Variants in MYLK3 observed in about 807,000 individuals in gnomAD.
MYLK3 encodes the protein myosin light chain kinase 3, also known as MLC kinase.
MYLK3 carries 55 observed loss-of-function variants against 76.3 expected under a neutral mutation model. That is an observed-to-expected ratio of 0.72 (90% CI 0.58 to 0.90). MYLK3 has a LOEUF of 0.90. Ranked by LOEUF, MYLK3 falls within the 40% of genes least tolerant of loss-of-function variation. The probability of loss-of-function intolerance (pLI) is 0.00; values close to 1 mark genes in which losing one functional copy is unlikely to be tolerated. For synonymous variants in MYLK3, 416 were observed against 425.4 expected (o/e 0.98, Z 0.27); for missense variants, 973 against 1,053.6 (o/e 0.92, Z 1.06).
chr16:46,742,111 C>G (rs1241361828), intron 1 of MYLK3, among the ~76,000 whole-genome samples: 3 of 151,806 alleles, frequency 2.0e-5, no homozygotes, highest in Non-Finnish European at 4.4e-5. Flanking sequence ...TGGATGGAAA[C>G]ATTTGTGGAG....
chr16:46,747,689 C>A (rs1967052215), intron 1 of MYLK3, 28 bp downstream of exon 1: 1 of 1,593,434 alleles, frequency 6.3e-7, no homozygotes, highest in East Asian at 2.2e-5. Flanking sequence ...GCCTCCCATC[C>A]AGCCAGGGCA....
chr16:46,736,717 C>G (rs988782135), intron 3 of MYLK3, among the ~76,000 whole-genome samples: 1 of 152,178 alleles, frequency 6.6e-6, no homozygotes, highest in African/African-American at 2.4e-5. Flanking sequence ...AACACAGACA[C>G]CAGATCCACT....
intron 3 of MYLK3, among the ~76,000 whole-genome samples, chr16:46,735,778 G>T (rs1216372248): frequency 6.6e-6 from 1 of 152,216 alleles, no homozygotes; most frequent in African/African-American, 2.4e-5. Context: ...ACAGGAAACT[G>T]CTGCCAGTCA....
chr16:46,753,551 A>T (rs1410204484), intron 1 of MYLK3, among the ~76,000 whole-genome samples: 2 of 152,270 alleles, frequency 1.3e-5, no homozygotes, highest in Non-Finnish European at 2.9e-5. Flanking sequence ...AGGGAAGACT[A>T]AAGCAAATAA....
Position 46,732,605 on chromosome 16 carries a change from G to C in MYLK3, c.1065C>G (p.Ser355Arg). 2 of 1,581,144 alleles carry C rather than the reference G, an allele frequency of 1.3e-6. No individual in the cohort carries two copies. Among genetic ancestry groups the C allele is most frequent in the Non-Finnish European group, 1.7e-6 (2 of 1,170,140 alleles). ...PGEMLMTGRG[S>R]LGPTLTTEAP... Reference sequence around the variant, plus strand: ...CCTCTGTGGTGAGGGTGGGTCCAAGGCTGCCCCTGCCTGTCATCAGCATCT... The same window carrying C: ...CCTCTGTGGTGAGGGTGGGTCCAAGCCTGCCCCTGCCTGTCATCAGCATCT... Residue 355 changes from serine (S) to arginine (R), a missense_variant, in exon 4 of 13, where the codon AGC (serine) becomes AGG (arginine). Ser to Arg is a moderately radical substitution (Grantham distance 110, BLOSUM62 -1). Around this residue, in one of 2 missense-constraint regions of MYLK3, gnomAD observed 641 missense variants for 637.0 expected, o/e 1.01. Coordinates refer to ENST00000394809, the MANE Select transcript of MYLK3 (RefSeq NM_182493.3).
rs1388881621 is a variant in MYLK3 at position 46,737,750 on chromosome 16, T to G, written c.962A>C (p.Gln321Pro). ...TCCACCACTGTGGGTTGCCCTGGCC[T>G]GGGCTGGCAGCCCTGGAGGCCCTGG... is the stretch of plus-strand genomic sequence containing the variant. ...QCPGPPGLPA[Q>P]ARATHSGGET... Residue 321 changes from glutamine to proline, a missense_variant, in exon 3 of 13, where the codon CAG becomes CCG. By Grantham distance (76) the Gln-to-Pro change is moderately conservative. Coordinates refer to ENST00000394809, the MANE Select transcript of MYLK3 (RefSeq NM_182493.3). 1 of 1,609,894 alleles carries G rather than the reference T, an allele frequency of 6.2e-7. No homozygotes were observed. Among genetic ancestry groups the G allele is most frequent in the Admixed American group, 1.7e-5 (1 of 60,006 alleles).
Position 46,748,286 on chromosome 16 carries a change from G to T in MYLK3, c.-93C>A. ...AGGCGGTGGTGTCTGCAAGGTCATT[G>T]TCCTCCGTAGCTGACAGACTCCTGG... On this transcript the variant is annotated 5_prime_UTR_variant, in exon 1 of 13. Transcript: ENST00000394809. The surrounding 1 kb of genome is among the most constrained non-coding windows in gnomAD (Gnocchi z 4.3). The T allele has an allele frequency of 6.8e-7, 1 of 1,475,034 alleles. No homozygotes were observed. The highest frequency in any genetic ancestry group is 1.4e-5 in the South Asian group (1 of 72,416). 91.4% of individuals were successfully genotyped at this position (1,475,034 alleles called of 1,614,324 possible).
chr16:46,752,957 C>G (rs1336799750), upstream of MYLK3, among the ~76,000 whole-genome samples: 1 of 152,188 alleles, frequency 6.6e-6, no homozygotes, highest in Non-Finnish European at 1.5e-5. Flanking sequence ...TCTCTCCTTC[C>G]CCTCCAGAGA....
chr16:46,713,011 G>A (rs1462045111), intron 9 of MYLK3, among the ~76,000 whole-genome samples: 1 of 152,064 alleles, frequency 6.6e-6, no homozygotes, highest in Non-Finnish European at 1.5e-5. Flanking sequence ...CCTCCTCCAG[G>A]CATTTGCTTC....
intron 1 of MYLK3, among the ~76,000 whole-genome samples, chr16:46,746,110 A>G (rs978323596): frequency 1.3e-5 from 2 of 152,062 alleles, no homozygotes; most frequent in Non-Finnish European, 2.9e-5. Flanking sequence ...AGCAAAATCT[A>G]TGGCTGCTCA....
At chr16:46,757,451 G>A (rs755287913) in intron 1 of MYLK3, 257 of 985,328 alleles carry the variant, frequency 2.6e-4, no homozygotes, top group Non-Finnish European at 3.0e-4. Context: ...CCCGACGCCC[G>A]CTGCTGGCCT....
chr16:46,731,274 G>A (rs1162156922), intron 4 of MYLK3, among the ~76,000 whole-genome samples: 3 of 152,238 alleles, frequency 2.0e-5, no homozygotes, highest in East Asian at 1.9e-4. Flanking sequence ...GGGATCTGTC[G>A]GCAAGGGAAA....
chr16:46,710,976 G>A (rs951996477), intron 10 of MYLK3, 187 bp from the exon 11 acceptor site: 1 of 657,454 alleles, frequency 1.5e-6, no homozygotes, highest in South Asian at 1.9e-5. Flanking sequence ...GAAGCGGAAG[G>A]ATTTAAAATT....
chr16:46,755,491 T>A (rs1567294090), intron 1 of MYLK3, among the ~76,000 whole-genome samples: 1 of 150,222 alleles, frequency 6.7e-6, no homozygotes, highest in Non-Finnish European at 1.5e-5. Flanking sequence ...AAACAATAGC[T>A]TCAACCTAGG....
chr16:46,707,512 A>G lies in MYLK3; in HGVS notation c.*192T>C, dbSNP rs1403800001. On this transcript the variant is annotated 3_prime_UTR_variant, in exon 13 of 13. Coordinates refer to ENST00000394809, the MANE Select transcript of MYLK3 (RefSeq NM_182493.3). ...ACACGTAGTGATCTTACAAGGCAGA[A>G]AAAAACGTTCTTAGGAAGCTTCTTT... 8 of 545,606 alleles carry G rather than the reference A, an allele frequency of 1.5e-5. No individual in the cohort carries two copies. The highest frequency in any genetic ancestry group is 2.3e-5 in the Non-Finnish European group (7 of 309,078). The allele number at this position is 545,606 out of a possible 1,614,324, so 33.8% of individuals were successfully genotyped here.
chr16:46,742,445 AAAACACACACACACACACACACAC>A (rs1457214454), intron 1 of MYLK3, among the ~76,000 whole-genome samples: 1 of 130,204 alleles, frequency 7.7e-6, no homozygotes, highest in African/African-American at 3.0e-5. Flanking sequence ...AATCCCAGCA[AAAACACACACACACACACACACAC>A]ACACACACAC....
chr16:46,706,101 G>A lies in MYLK3; in HGVS notation c.*1603C>T, dbSNP rs1481176519. 1 of 152,068 alleles carries A rather than the reference G, an allele frequency of 6.6e-6. No homozygotes were observed. Among genetic ancestry groups the A allele is most frequent in the African/African-American group, 2.4e-5 (1 of 41,402 alleles). The allele number at this position is 152,068 out of a possible 1,614,324, so 9.4% of individuals were successfully genotyped here. On this transcript the variant is annotated 3_prime_UTR_variant, in exon 13 of 13. Coordinates refer to ENST00000394809, the MANE Select transcript of MYLK3 (RefSeq NM_182493.3). The stretch of plus-strand genomic sequence containing the variant: ...CAGTGGACCCTTGAACAATGTGAGG[G>A]TTAGGAGTGCCTACCCCCTTGCAGT...
intron 1 of MYLK3, among the ~76,000 whole-genome samples, chr16:46,760,721 G>A (rs1303233728): frequency 6.6e-6 from 1 of 152,124 alleles, no homozygotes; most frequent in Admixed American, 6.5e-5. Context: ...AGATGTCTTG[G>A]TATCAAATCT....
intron 1 of MYLK3, 41 bp from the exon 2 acceptor site, chr16:46,740,188 C>A (rs1250560016): frequency 6.5e-7 from 1 of 1,532,302 alleles, no homozygotes; most frequent in African/African-American, 1.4e-5. Context: ...TTATCATCAA[C>A]ATTGCCATTC....
Sources: gnomAD v4.1 joint callset for allele counts (sites outside exome capture counted in the v4.1 genomes callset) on GRCh38, gnomAD v4.1.1 for gene constraint, gnomAD v4.1.1 regional missense constraint, Gnocchi (gnomAD v3.1) non-coding constraint, MANE v1.5 for transcripts, NCBI Gene and HGNC (gene_info 2026-07-23, HGNC 2026-07-21) for gene names.